The following FBXW12 variants were observed in gnomAD, a reference collection of about 807,000 sequenced individuals.
FBXW12 encodes the protein F-box and WD repeat domain containing 12.
In FBXW12, 43 loss-of-function variants were observed where a neutral mutation model predicts 55.3. The observed-to-expected ratio is 0.78, with a 90% CI of 0.61 to 1.00. The LOEUF (loss-of-function observed/expected upper bound fraction) is 1.00. Among genes scored for constraint, FBXW12 ranks in the 50% least tolerant of loss-of-function variants. The pLI, the probability that FBXW12 is intolerant of heterozygous loss-of-function variation, is 0.00. For missense variants in FBXW12, 524 were observed against 560.5 expected (o/e 0.93, Z 0.66); for synonymous variants, 184 against 203.8 (o/e 0.90, Z 0.83).
chr3:48,388,509 C>T (rs958043830), intron 10 of FBXW12, among the ~76,000 whole-genome samples: 1 of 152,114 alleles, frequency 6.6e-6, no homozygotes, highest in Non-Finnish European at 1.5e-5. Context: ...AATGTCTCTC[C>T]TTGTCCCTGG....
Position 48,379,568 on chromosome 3 carries a change from G to C in FBXW12, c.774+10G>C, listed in dbSNP as rs752404793. 6 of 1,612,284 alleles carry C rather than the reference G, an allele frequency of 3.7e-6. No homozygotes were observed. In the East Asian group the frequency reaches 1.3e-4, roughly 36 times the overall value. On this transcript the variant is annotated intron_variant, in intron 7 of 10. Transcript: ENST00000296438. Reference sequence around the variant, plus strand: ...TCGTACCTTGCCACAGGTAGGTGCTGTTCTGTGTATTTCAATTTCAGGATA... The same window carrying C: ...TCGTACCTTGCCACAGGTAGGTGCTCTTCTGTGTATTTCAATTTCAGGATA...
intron 10 of FBXW12, among the ~76,000 whole-genome samples, chr3:48,389,014 C>A (rs28817905): frequency 6.6e-6 from 1 of 152,168 alleles, no homozygotes; most frequent in Non-Finnish European, 1.5e-5. Context: ...CCCTGTCTAA[C>A]CCCCTGCTCT....
In FBXW12 at chr3:48,378,365, C is replaced by A; in HGVS notation, c.454C>A (p.Leu152Met). 6.2e-7 allele frequency: 1 copy of A among 1,614,136 alleles called. No individual in the cohort carries two copies. Among genetic ancestry groups the A allele is most frequent in the Non-Finnish European group, 8.5e-7 (1 of 1,180,022 alleles). ...AGTCCAGGAGTTCCATTTCTCAAAT[C>A]TGGTAACCCTCCCTCAGATGCATCT... ...SPVQEFHFSN[L>M]VTLPQMHLAI... The change falls in exon 6 of 11, where the codon CTG becomes ATG. Residue 152 changes from leucine to methionine, a missense_variant. Transcript: ENST00000296438.
intron 2 of FBXW12, 25 bp downstream of exon 2, chr3:48,372,882 C>G (rs780805542): frequency 6.3e-7 from 1 of 1,599,534 alleles, no homozygotes; most frequent in Admixed American, 1.7e-5. Context: ...CCTCCCACTG[C>G]CCCCCAAGCC....
At position 48,379,492 on chromosome 3, in the gene FBXW12, T is replaced by C. The variant is rs749658873; in HGVS notation, c.708T>C (p.Leu236=). Residue 236 remains leucine, a synonymous_variant, in exon 7 of 11, where the codon CTT becomes CTC. Coordinates refer to ENST00000296438, the MANE Select transcript of FBXW12 (RefSeq NM_207102.2). Reference sequence around the variant, plus strand: ...CTGCATTTCAATATGGTATTGTACTTCTACACTGCTCTCCTGACAAGAAAT... The same window carrying C: ...CTGCATTTCAATATGGTATTGTACTCCTACACTGCTCTCCTGACAAGAAAT... ...KVTAFQYGIV[L]LHCSPDKKWV... The C allele has an allele frequency of 3.7e-6, 6 of 1,614,054 alleles. No homozygotes were observed. The highest frequency in any genetic ancestry group is 5.1e-6 in the Non-Finnish European group (6 of 1,179,886).
At chr3:48,389,892 G>A (rs1288882986) in intron 10 of FBXW12, among the ~76,000 whole-genome samples, 1 of 152,126 alleles carries the variant, frequency 6.6e-6, no homozygotes, top group Non-Finnish European at 1.5e-5. Context: ...AAAAGTAGGG[G>A]TCCACTTTCA....
chr3:48,385,338 TTGTGTGTGTG>T (rs60689779), intron 10 of FBXW12, among the ~76,000 whole-genome samples: 64 of 148,990 alleles, frequency 4.3e-4, no homozygotes, highest in South Asian at 2.8e-3. Context: ...TGGTATTCCA[TTGTGTGTGTG>T]TGTGTGTGTG....
rs201317090 is a variant in FBXW12, at chr3:48,394,627, A to G, written c.1363A>G (p.Ser455Gly). Residue 455 changes from serine to glycine, a missense_variant, in exon 11 of 11, where the codon AGC becomes GGC. Ser to Gly is a moderately conservative substitution (Grantham distance 56). Coordinates refer to ENST00000296438, the MANE Select transcript of FBXW12 (RefSeq NM_207102.2). ...TAGGGTGAGGAAAGTAAGTGACTCC[A>G]GCATTCTGGTGATGTATTCTTTGAA... ...VLRVRKVSDS[S>G]ILVMYSLNT 4 of 1,604,106 alleles carry G rather than the reference A, an allele frequency of 2.5e-6. No homozygotes were observed. The African/African-American group carries it at 5.3e-5, about 21-fold the overall frequency.
chr3:48,393,185 T>G (rs1343504568), intron 10 of FBXW12, among the ~76,000 whole-genome samples: 1 of 152,036 alleles, frequency 6.6e-6, no homozygotes, highest in Non-Finnish European at 1.5e-5. Context: ...TAGTAGAGAC[T>G]GGGTTTTGCC....
intron 10 of FBXW12, among the ~76,000 whole-genome samples, chr3:48,388,033 A>G (rs1480392027): frequency 6.6e-6 from 1 of 152,108 alleles, no homozygotes; most frequent in East Asian, 1.9e-4. Flanking sequence ...TTCCTCTTTG[A>G]GCCATGGACT....
At chr3:48,375,328 G>T in intron 4 of FBXW12, 26 bp from the exon 5 acceptor site, 3 of 1,362,608 alleles carry the variant, frequency 2.2e-6, no homozygotes, top group Non-Finnish European at 2.1e-6. Context: ...CTATCTGGTG[G>T]CCAAGTCTTC....
intron 3 of FBXW12, 58 bp from the exon 4 acceptor site, chr3:48,373,490 G>A: frequency 3.7e-6 from 6 of 1,604,180 alleles, no homozygotes; most frequent in Non-Finnish European, 4.3e-6. Flanking sequence ...TATAACCGGG[G>A]CTCTGAGGAG....
Position 48,375,354 on chromosome 3 carries a change from C to A in FBXW12, c.287C>A (p.Ala96Glu). The A allele has an allele frequency of 6.3e-7, 1 of 1,575,834 alleles. No individual in the cohort carries two copies. Among genetic ancestry groups the A allele is most frequent in the Non-Finnish European group, 8.7e-7 (1 of 1,146,706 alleles). ...NFIYKVTKNI[A>E]FETELAYLSG... is the part of the protein sequence containing the mutation. The stretch of plus-strand genomic sequence containing the variant: ...CCAAGTCTTCTATGTTTCCTTCTAG[C>A]ATTTGAGACGGAGTTGGCTTATCTC... The change falls in exon 5 of 11, where the codon GCA (alanine) becomes GAA (glutamate). Residue 96 changes from alanine (A) to glutamate (E), a missense_variant and splice_region_variant. Ala to Glu is a moderately radical substitution (Grantham distance 107). Transcript: ENST00000296438.
chr3:48,380,646 G>A lies in FBXW12; in HGVS notation c.775-56G>A. On this transcript the variant is annotated intron_variant, in intron 7 of 10. Transcript: ENST00000296438. ...AGAAGGCTCTTCTGGAGTCACTCCT[G>A]TACTGAGAGGCTATAAGTTCCCTGC... 3 of 1,300,900 alleles carry A rather than the reference G, an allele frequency of 2.3e-6. No individual in the cohort carries two copies. The South Asian group carries it at 3.5e-5, about 15-fold the overall frequency. The allele number at this position is 1,300,900 out of a possible 1,614,324, so 80.6% of individuals were successfully genotyped here. A position where few individuals can be genotyped will look rare whatever the true frequency, so the allele number is the denominator to read the frequency against.
chr3:48,380,881 C>A lies in FBXW12; in HGVS notation c.954C>A (p.Thr318=). 6.2e-7 allele frequency: 1 copy of A among 1,614,052 alleles called. No homozygotes were observed. ...KTEFITFDLT[T]KKTGGQTVIQ... is the part of the protein sequence containing the mutation. The stretch of plus-strand genomic sequence containing the variant: ...AATTTATCACCTTTGATCTAACAAC[C>A]AAGAAGACTGGAGGCCAAACAGTCA... Residue 318 remains threonine, a synonymous_variant, in exon 8 of 11, where the codon ACC becomes ACA. Coordinates refer to ENST00000296438, the MANE Select transcript of FBXW12 (RefSeq NM_207102.2).
At position 48,381,963 on chromosome 3, in the gene FBXW12, C is replaced by T; in HGVS notation, c.1173C>T (p.Cys391=). ...AAINNFWVDP[C]YVLTTSENSV... ...CTGGCTATCCTTGGAAGGATCCTTG[C>T]TATGTGCTCACCACATCCGAGAACT... The change falls in exon 10 of 11, where the codon TGC becomes TGT. Residue 391 remains cysteine, a synonymous_variant. Coordinates refer to ENST00000296438, the MANE Select transcript of FBXW12 (RefSeq NM_207102.2). 6.2e-7 allele frequency: 1 copy of T among 1,614,158 alleles called. No homozygotes were observed. Among genetic ancestry groups the T allele is most frequent in the Non-Finnish European group, 8.5e-7 (1 of 1,180,030 alleles).
chr3:48,373,485 C>G, intron 3 of FBXW12, 63 bp from the exon 4 acceptor site: 1 of 1,603,066 alleles, frequency 6.2e-7, no homozygotes, highest in South Asian at 1.1e-5. Context: ...TGTGATATAA[C>G]CGGGGCTCTG....
rs769125287 is a variant in FBXW12, at chr3:48,381,981, C to T, written c.1191C>T (p.Ser397=). 7.4e-6 allele frequency: 12 copies of T among 1,614,150 alleles called. No homozygotes were observed. Among genetic ancestry groups the T allele is most frequent in the Non-Finnish European group, 1.0e-5 (12 of 1,180,018 alleles). The change falls in exon 10 of 11, where the codon TCC becomes TCT. Residue 397 remains serine (S), a synonymous_variant. Transcript: ENST00000296438. Reference sequence around the variant, plus strand: ...ATCCTTGCTATGTGCTCACCACATCCGAGAACTCTGTGCACGTGTACATGT... The same window carrying T: ...ATCCTTGCTATGTGCTCACCACATCTGAGAACTCTGTGCACGTGTACATGT... ...WVDPCYVLTT[S]ENSVHVYMWE... is the part of the protein sequence containing the mutation.
At chr3:48,379,756 T>G in intron 7 of FBXW12, 198 bp downstream of exon 7, 1 of 543,400 alleles carries the variant, frequency 1.8e-6, no homozygotes, top group African/African-American at 1.9e-5. Context: ...GGCAAATGTT[T>G]AACAAAAACT....
Sources: gnomAD v4.1 joint callset for allele counts (sites outside exome capture counted in the v4.1 genomes callset) on GRCh38, gnomAD v4.1.1 for gene constraint, MANE v1.5 for transcripts, NCBI Gene and HGNC (gene_info 2026-07-23, HGNC 2026-07-21) for gene names.